The following CCDC171 variants were observed in gnomAD, a reference collection of about 807,000 sequenced individuals.
The protein encoded by CCDC171 is coiled-coil domain-containing protein 171.
CCDC171 carries 177 observed loss-of-function variants against 168.2 expected under a neutral mutation model. That is an observed-to-expected ratio of 1.05 (90% confidence interval 0.93 to 1.19). CCDC171 has a LOEUF of 1.19. Ranked by LOEUF, CCDC171 falls within the 50% of genes most tolerant of loss-of-function variation. The probability of loss-of-function intolerance (pLI) is 0.00; values close to 1 mark genes in which losing one functional copy is unlikely to be tolerated. For missense variants in CCDC171, 1,991 were observed against 1,539.0 expected (o/e 1.29, Z -4.91); for synonymous variants, 687 against 540.8 (o/e 1.27, Z -3.75).
intron 7 of CCDC171, among the ~76,000 whole-genome samples, chr9:15,624,899 C>A (rs1312956587): frequency 1.6e-4 from 25 of 152,182 alleles, no homozygotes; most frequent in Admixed American, 1.6e-3. Context: ...CTGTCTTCCA[C>A]CATGGTTAAA....
chr9:15,846,325 T>G (rs1264458018), intron 21 of CCDC171, among the ~76,000 whole-genome samples: 1 of 152,128 alleles, frequency 6.6e-6, no homozygotes, highest in East Asian at 1.9e-4. Context: ...TTAACTCTAA[T>G]TCTATTTGGA....
downstream of CCDC171, among the ~76,000 whole-genome samples, chr9:15,975,941 C>G (rs147408398): frequency 5.4e-4 from 82 of 152,086 alleles, 1 homozygote; most frequent in East Asian, 0.015. Context: ...TAGGAGGTAT[C>G]TTTGTAAGAG....
chr9:15,748,728 T>A (rs2055485594), intron 18 of CCDC171, among the ~76,000 whole-genome samples: 2 of 152,174 alleles, frequency 1.3e-5, no homozygotes, highest in Admixed American at 1.3e-4. Flanking sequence ...AAACTATGCT[T>A]CTTAAGTGAA....
At chr9:15,991,337 C>T (rs996759938) in intron 3 of CCDC171, among the ~76,000 whole-genome samples, 2 of 151,790 alleles carry the variant, frequency 1.3e-5, no homozygotes, top group Admixed American at 6.5e-5. Flanking sequence ...CTACTGGGTA[C>T]ATAATGAAAT....
At chr9:15,689,805 C>T (rs952964648) in intron 10 of CCDC171, among the ~76,000 whole-genome samples, 1 of 152,064 alleles carries the variant, frequency 6.6e-6, no homozygotes, top group Non-Finnish European at 1.5e-5. Flanking sequence ...AAGCTAACTA[C>T]AAAGCTACAG....
At chr9:15,968,774 G>C (rs956540203) in intron 25 of CCDC171, among the ~76,000 whole-genome samples, 1 of 152,010 alleles carries the variant, frequency 6.6e-6, no homozygotes, top group Non-Finnish European at 1.5e-5. Context: ...CCTGACCTCA[G>C]GTGATCCACC....
chr9:15,904,551 C>G (rs1299001490), intron 24 of CCDC171, among the ~76,000 whole-genome samples: 17 of 152,182 alleles, frequency 1.1e-4, no homozygotes, highest in Non-Finnish European at 1.9e-4. Context: ...ACAACCAGTA[C>G]CAGCCACTGC....
At chr9:15,906,077 C>A (rs1200038474) in intron 24 of CCDC171, among the ~76,000 whole-genome samples, 1 of 152,152 alleles carries the variant, frequency 6.6e-6, no homozygotes, top group Admixed American at 6.6e-5. Flanking sequence ...GATTCACAGC[C>A]GAATTCTACC....
At chr9:15,715,463 A>G (rs1029152017) in intron 11 of CCDC171, among the ~76,000 whole-genome samples, 7 of 152,240 alleles carry the variant, frequency 4.6e-5, no homozygotes, top group Non-Finnish European at 8.8e-5. Context: ...CTTAGTTATC[A>G]ATACATTATA....
chr9:15,841,161 T>A (rs934222351), intron 21 of CCDC171, among the ~76,000 whole-genome samples: 3 of 152,058 alleles, frequency 2.0e-5, no homozygotes, highest in African/African-American at 7.2e-5. Context: ...ATCTGTCACA[T>A]GGCCTATTTA....
At chr9:15,995,518 C>T (rs1313884767) in intron 3 of CCDC171, among the ~76,000 whole-genome samples, 1 of 152,228 alleles carries the variant, frequency 6.6e-6, no homozygotes, top group South Asian at 2.1e-4. Context: ...CACATCTCAG[C>T]ACAGTTATTC....
intron 16 of CCDC171, among the ~76,000 whole-genome samples, chr9:15,730,918 T>A (rs1473907577): frequency 6.6e-6 from 1 of 152,024 alleles, no homozygotes; most frequent in African/African-American, 2.4e-5. Context: ...AAGTGTATAA[T>A]TTGATGTTTT....
rs770471889 is a variant in CCDC171 at position 15,604,474 on chromosome 9, AT to A, written c.675+10307del. ...TTAGAAGATGAATATATATGTTTTC[AT>A]TTTTATTTCATTTCCAAAATTCTAT... On this transcript the variant is annotated intron_variant, in intron 6 of 25. Transcript: ENST00000380701. 1.2e-4 allele frequency among the ~76,000 whole-genome samples: 19 copies of A among 152,284 alleles called. No individual in the cohort carries two copies. The South Asian group carries it at 2.5e-3, about 20-fold the overall frequency.
chr9:16,074,385 T>C, the CCDC171 span, among the ~76,000 whole-genome samples: 1 of 152,220 alleles, frequency 6.6e-6, no homozygotes. Flanking sequence ...CATTCTGCCA[T>C]GTTGAACCAG....
At chr9:15,994,130 A>G (rs771483864) in intron 3 of CCDC171, among the ~76,000 whole-genome samples, 2 of 151,644 alleles carry the variant, frequency 1.3e-5, no homozygotes, top group Admixed American at 6.5e-5. Flanking sequence ...ATAAAGACAC[A>G]TGCACATGTA....
chr9:15,612,372 A>AT (rs1258058330), intron 6 of CCDC171, among the ~76,000 whole-genome samples: 1 of 151,808 alleles, frequency 6.6e-6, no homozygotes, highest in East Asian at 1.9e-4. Flanking sequence ...GTTGGCTATC[A>AT]TTTTCTCCAC....
intron 16 of CCDC171, among the ~76,000 whole-genome samples, chr9:15,739,119 T>C (rs2054681298): frequency 6.6e-6 from 1 of 152,174 alleles, no homozygotes; most frequent in Admixed American, 6.5e-5. Context: ...GAGTGACCCT[T>C]ACTTAAGTTC....
At chr9:15,907,164 G>T (rs1003058934) in intron 24 of CCDC171, among the ~76,000 whole-genome samples, 5 of 152,044 alleles carry the variant, frequency 3.3e-5, no homozygotes, top group Admixed American at 6.6e-5. Context: ...CTACTTTAAA[G>T]TTCATATGGA....
intron 4 of CCDC171, among the ~76,000 whole-genome samples, chr9:15,587,976 C>T (rs1191450518): frequency 2.0e-5 from 3 of 152,120 alleles, no homozygotes; most frequent in Non-Finnish European, 4.4e-5. Context: ...GTGGCTCACG[C>T]CTGTAATCGC....
Sources: allele counts gnomAD v4.1 joint callset (sites outside exome capture counted in the v4.1 genomes callset), GRCh38; gene constraint gnomAD v4.1.1; transcripts MANE v1.5; gene names NCBI Gene and HGNC (gene_info 2026-07-23, HGNC 2026-07-21).